Variants in CHSY1 observed in about 807,000 individuals in gnomAD.
CHSY1 encodes the protein N-acetylgalactosaminyl-proteoglycan 3-beta-glucuronosyltransferase 1.
In CHSY1, 13 loss-of-function variants were observed where a neutral mutation model predicts 59.8. That is an observed-to-expected ratio of 0.22 (90% CI 0.14 to 0.35). The LOEUF (loss-of-function observed/expected upper bound fraction) is 0.35. Among genes scored for constraint, CHSY1 ranks in the 10% least tolerant of loss-of-function variants. The probability of loss-of-function intolerance (pLI) is 1.00; values close to 1 mark genes in which losing one functional copy is unlikely to be tolerated. For synonymous variants in CHSY1, 459 were observed against 401.2 expected, an observed-to-expected ratio of 1.14 and a Z score of -1.72; for missense variants, 947 against 1,030.6, an observed-to-expected ratio of 0.92 and a Z score of 1.11.
Position 101,177,837 on chromosome 15 carries a change from T to C in CHSY1, c.1960A>G (p.Ile654Val), listed in dbSNP as rs141799040. The change falls in exon 3 of 3, where the codon ATA becomes GTA. Residue 654 changes from isoleucine (I) to valine (V), a missense_variant. Transcript: ENST00000254190. ...CRANTVLGQQIYFPIIFSQYD... is the reference protein window; with the variant it reads ...CRANTVLGQQVYFPIIFSQYD... ...TGGCTGAAGATGATTGGAAAATATA[T>C]TTGTTGGCCCAGAACTGTATTTGCT... The C allele has an allele frequency of 1.3e-5, 21 of 1,614,184 alleles. No individual in the cohort carries two copies. The highest frequency in any genetic ancestry group is 1.8e-5 in the Non-Finnish European group (21 of 1,180,024).
At chr15:101,239,808 G>A (rs1375353067) in intron 1 of CHSY1, among the ~76,000 whole-genome samples, 1 of 152,062 alleles carries the variant, frequency 6.6e-6, no homozygotes, top group Non-Finnish European at 1.5e-5. Context: ...AATTTCACGA[G>A]CATTTCGCGG....
At chr15:101,203,032 A>G (rs1596440057) in intron 2 of CHSY1, among the ~76,000 whole-genome samples, 1 of 152,358 alleles carries the variant, frequency 6.6e-6, no homozygotes, top group South Asian at 2.1e-4. Flanking sequence ...ATATAAAAAT[A>G]AAAATGTGAC....
At chr15:101,213,733 T>G (rs1402994537) in intron 2 of CHSY1, among the ~76,000 whole-genome samples, 1 of 152,200 alleles carries the variant, frequency 6.6e-6, no homozygotes, top group Non-Finnish European at 1.5e-5. Flanking sequence ...AAATATGTCT[T>G]TGTGATTAAT....
chr15:101,198,328 C>G (rs966226050), intron 2 of CHSY1, among the ~76,000 whole-genome samples: 1 of 152,092 alleles, frequency 6.6e-6, no homozygotes, highest in Admixed American at 6.6e-5. Context: ...GAACACAGTC[C>G]CCCGAAATCC....
At chr15:101,224,397 G>T (rs2038819175) in intron 2 of CHSY1, among the ~76,000 whole-genome samples, 1 of 152,172 alleles carries the variant, frequency 6.6e-6, no homozygotes. Flanking sequence ...TTACTTACTA[G>T]AAAGACCCAG....
At chr15:101,230,209 T>A (rs528367011) in intron 2 of CHSY1, among the ~76,000 whole-genome samples, 8 of 152,166 alleles carry the variant, frequency 5.3e-5, no homozygotes, top group Non-Finnish European at 1.2e-4. Flanking sequence ...CCCAAAGTGC[T>A]GAGCCGCCAC....
intron 2 of CHSY1, among the ~76,000 whole-genome samples, chr15:101,229,943 C>T (rs1596450297): frequency 6.6e-6 from 1 of 151,274 alleles, no homozygotes; most frequent in South Asian, 2.1e-4. Context: ...CTTCAATATC[C>T]CACTTTTTTT....
rs777695123 is a variant in CHSY1 at position 101,178,789 on chromosome 15, G to A, written c.1008C>T (p.Arg336=). 7.2e-5 allele frequency: 117 copies of A among 1,614,070 alleles called. No individual in the cohort carries two copies. Among genetic ancestry groups the A allele is most frequent in the African/African-American group, 1.5e-4 (11 of 74,918 alleles). The change falls in exon 3 of 3, where the codon CGC becomes CGT. Residue 336 remains arginine, a synonymous_variant. Transcript: ENST00000254190. ...ELRHRTIQLH[R]EIVLMSKYSN... The stretch of plus-strand genomic sequence containing the variant: ...TGTATTTGCTCATCAGGACAATTTC[G>A]CGGTGCAGCTGTATTGTGCGATGGC...
Position 101,178,497 on chromosome 15 carries a change from A to T in CHSY1, c.1300T>A (p.Tyr434Asn). The T allele has an allele frequency of 1.2e-6, 2 of 1,614,216 alleles. No homozygotes were observed. The highest frequency in any genetic ancestry group is 1.7e-6 in the Non-Finnish European group (2 of 1,180,034). Residue 434 changes from tyrosine to asparagine, a missense_variant, in exon 3 of 3, where the codon TAC becomes AAC. Tyr to Asn is a moderately radical substitution (Grantham distance 143). Transcript: ENST00000254190. ...GRIIDFKEIQ[Y>N]GYRRVNPMYG... ...ATGGGGTTCACCCGGCGGTAGCCGTACTGGATCTCTTTGAAGTCAATGATG... is the reference window on the plus strand; with the variant it reads ...ATGGGGTTCACCCGGCGGTAGCCGTTCTGGATCTCTTTGAAGTCAATGATG...
chr15:101,225,831 G>A (rs894360759), intron 2 of CHSY1, among the ~76,000 whole-genome samples: 1 of 152,184 alleles, frequency 6.6e-6, no homozygotes, highest in East Asian at 1.9e-4. Flanking sequence ...TGGGAATTGA[G>A]GTGATAACAG....
chr15:101,200,504 A>G lies in CHSY1; in HGVS notation c.817-21524T>C, dbSNP rs1031545381. Among the ~76,000 whole-genome samples, 11 of 152,330 alleles carry G rather than the reference A, an allele frequency of 7.2e-5. No individual in the cohort carries two copies. In the East Asian group the frequency reaches 2.1e-3, roughly 29 times the overall value. On this transcript the variant is annotated intron_variant, in intron 2 of 2. Transcript: ENST00000254190. ...TGGGGTTACAATTCAGGGCAAACTAACAGTACAAACAAGGTTAGGAGAATT... is the reference window on the plus strand; with the variant it reads ...TGGGGTTACAATTCAGGGCAAACTAGCAGTACAAACAAGGTTAGGAGAATT...
chr15:101,235,039 G>T, intron 2 of CHSY1, 43 bp downstream of exon 2: 1 of 1,606,700 alleles, frequency 6.2e-7, no homozygotes, highest in Non-Finnish European at 8.5e-7. Context: ...TGACAAAATT[G>T]ACAAAATTAA....
chr15:101,197,081 G>A (rs1282016832), intron 2 of CHSY1, among the ~76,000 whole-genome samples: 3 of 152,104 alleles, frequency 2.0e-5, no homozygotes, highest in Non-Finnish European at 2.9e-5. Context: ...AAAGAAAGTG[G>A]CATTATGCAA....
chr15:101,239,939 C>T (rs2038986320), intron 1 of CHSY1, among the ~76,000 whole-genome samples: 1 of 152,222 alleles, frequency 6.6e-6, no homozygotes, highest in South Asian at 2.1e-4. Flanking sequence ...ACAACCAGCA[C>T]AGACGCAATT....
intron 2 of CHSY1, among the ~76,000 whole-genome samples, chr15:101,233,549 C>T (rs993044985): frequency 6.6e-6 from 1 of 152,132 alleles, no homozygotes; most frequent in African/African-American, 2.4e-5. Context: ...CTTAAAACAG[C>T]GTGAAACCCT....
intron 1 of CHSY1, among the ~76,000 whole-genome samples, chr15:101,236,596 CGGAT>C (rs1567106806): frequency 1.2e-4 from 18 of 151,964 alleles, no homozygotes; most frequent in Non-Finnish European, 1.8e-4. Flanking sequence ...CCGAGGCGGG[CGGAT>C]CATGAGGTCA....
chr15:101,183,975 G>C (rs977346301), intron 2 of CHSY1, among the ~76,000 whole-genome samples: 1 of 152,212 alleles, frequency 6.6e-6, no homozygotes, highest in Non-Finnish European at 1.5e-5. Flanking sequence ...TATTTAAAGA[G>C]AAAATATATA....
chr15:101,208,712 C>CAA (rs35276997), intron 2 of CHSY1, among the ~76,000 whole-genome samples: 43,821 of 114,514 alleles, frequency 0.38, 9,181 homozygotes, highest in African/African-American at 0.6. Context: ...GGCTCCATCT[C>CAA]AAAAAAAAAA....
chr15:101,237,443 G>T (rs768280080), intron 1 of CHSY1, among the ~76,000 whole-genome samples: 5 of 152,164 alleles, frequency 3.3e-5, no homozygotes, highest in Non-Finnish European at 7.4e-5. Context: ...GTAAACTACT[G>T]CAGCAGCCCA....
Sources: gnomAD v4.1 joint callset for allele counts (sites outside exome capture counted in the v4.1 genomes callset) on GRCh38, gnomAD v4.1.1 for gene constraint, MANE v1.5 for transcripts, NCBI Gene and HGNC (gene_info 2026-07-23, HGNC 2026-07-21) for gene names.